Variants in TARDBP observed in about 807,000 individuals in gnomAD.
TARDBP encodes TAR DNA binding protein.
In TARDBP, 4 loss-of-function variants were observed where a neutral mutation model predicts 38.3. The ratio of observed to expected loss-of-function variants is 0.10; its 90% CI spans 0.05 to 0.24. TARDBP has a LOEUF of 0.24. TARDBP is among the 10% of genes least tolerant of loss of function. The pLI is 1.00. For synonymous variants in TARDBP, 184 were observed against 183.8 expected, an observed-to-expected ratio of 1.00 and a Z score of -0.01; for missense variants, 202 against 521.9, an observed-to-expected ratio of 0.39 and a Z score of 5.97.
chr1:11,017,083 G>A (rs1643538168), intron 3 of TARDBP, 76 bp downstream of exon 3: 2 of 1,483,088 alleles, frequency 1.3e-6, no homozygotes, highest in African/African-American at 1.4e-5. Context: ...GGTATAAATA[G>A]AGATGGGGTA....
In TARDBP at chr1:11,023,393, A is replaced by G. The variant is rs1293238619; in HGVS notation, c.*739A>G. ...GGAGTCGTATCAACGCTATGAACGC[A>G]AGGCTGTGATATGGAACCAGAAGGC... On this transcript the variant is annotated 3_prime_UTR_variant, in exon 6 of 6. Coordinates refer to ENST00000240185, the MANE Select transcript of TARDBP (RefSeq NM_007375.4). 1 of 898,860 alleles carries G rather than the reference A, an allele frequency of 1.1e-6. No individual in the cohort carries two copies. Among genetic ancestry groups the G allele is most frequent in the Non-Finnish European group, 1.7e-6 (1 of 585,468 alleles). 55.7% of individuals were successfully genotyped at this position (898,860 alleles called of 1,614,324 possible). A position where few individuals can be genotyped will look rare whatever the true frequency, so the allele number is the denominator to read the frequency against.
At chr1:11,020,305 C>A in intron 4 of TARDBP, 124 bp from the exon 5 acceptor site, 1 of 1,116,262 alleles carries the variant, frequency 9.0e-7, no homozygotes, top group Non-Finnish European at 1.3e-6. Context: ...ATTAAGGGTA[C>A]GTCTACTTTT....
Position 11,013,622 on chromosome 1 carries a change from A to G in TARDBP, c.-12-94A>G. The G allele has an allele frequency of 2.8e-6, 3 of 1,069,904 alleles. No homozygotes were observed. The South Asian group carries it at 4.1e-5, about 15-fold the overall frequency. 66.3% of individuals were successfully genotyped at this position (1,069,904 alleles called of 1,614,324 possible). ...CGAATCCAGACAAGCATTTTTCTGG[A>G]AGTCAGAACTCTGACATGGTTTGGG... On this transcript the variant is annotated intron_variant, in intron 1 of 5. Transcript: ENST00000240185.
chr1:11,017,202 CTTTT>C (rs61443822), intron 3 of TARDBP, among the ~76,000 whole-genome samples, 195 bp downstream of exon 3: 2 of 105,884 alleles, frequency 1.9e-5, no homozygotes, highest in African/African-American at 3.7e-5. Flanking sequence ...TGTTACCTTT[CTTTT>C]TTTTTTTTTT....
chr1:11,030,470 A>G (rs557818484), downstream of TARDBP: 27 of 582,052 alleles, frequency 4.6e-5, no homozygotes, highest in East Asian at 5.2e-4. Context: ...ATATGTATCA[A>G]GATCTCAAGT....
rs1643674248 is a variant in TARDBP at position 11,023,173 on chromosome 1, C to T, written c.*519C>T. The T allele has an allele frequency of 6.5e-7, 1 of 1,549,614 alleles. No homozygotes were observed. Among genetic ancestry groups the T allele is most frequent in the Non-Finnish European group, 8.7e-7 (1 of 1,146,452 alleles). Reference sequence around the variant, plus strand: ...TCATACACAAAAGTACAATATGAAGCCTTCATTTAATCTCTGCAGTTCATC... The same window carrying T: ...TCATACACAAAAGTACAATATGAAGTCTTCATTTAATCTCTGCAGTTCATC... On this transcript the variant is annotated 3_prime_UTR_variant, in exon 6 of 6. Coordinates refer to ENST00000240185, the MANE Select transcript of TARDBP (RefSeq NM_007375.4).
Position 11,023,347 on chromosome 1 carries a change from A to G in TARDBP, c.*693A>G. The G allele has an allele frequency of 8.0e-7, 1 of 1,248,762 alleles. No homozygotes were observed. Among genetic ancestry groups the G allele is most frequent in the Non-Finnish European group, 1.1e-6 (1 of 876,630 alleles). The allele number at this position is 1,248,762 out of a possible 1,614,324, so 77.4% of individuals were successfully genotyped here. On this transcript the variant is annotated 3_prime_UTR_variant, in exon 6 of 6. Coordinates refer to ENST00000240185, the MANE Select transcript of TARDBP (RefSeq NM_007375.4). ...CTTTGACGGTGGGTGTCCCATTTTT[A>G]TCCGCTACTCTTTATTTCATGGAGT...
exon 3 of TARDBP, chr1:11,030,493 G>A (rs1344675329): frequency 5.2e-6 from 3 of 574,764 alleles, no homozygotes; most frequent in Non-Finnish European, 9.2e-6. Context: ...TTAATGATAA[G>A]GTGTTGACTT....
At chr1:11,027,443 G>C, downstream of TARDBP, 1 of 1,613,994 alleles carries the variant, frequency 6.2e-7, no homozygotes, top group Non-Finnish European at 8.5e-7. Context: ...GTCTTTTCAG[G>C]GTGCCCATTC....
Position 11,013,763 on chromosome 1 carries a change from C to G in TARDBP, c.36C>G (p.Asn12Lys). Residue 12 changes from asparagine to lysine, a missense_variant, in exon 2 of 6, where the codon AAC becomes AAG. Transcript: ENST00000240185. ...ATATTCGGGTAACCGAAGATGAGAA[C>G]GATGAGCCCATTGAAATACCATCGG... ...SEYIRVTEDE[N>K]DEPIEIPSED... The G allele has an allele frequency of 6.2e-7, 1 of 1,612,624 alleles. No individual in the cohort carries two copies. The highest frequency in any genetic ancestry group is 8.5e-7 in the Non-Finnish European group (1 of 1,179,180).
At chr1:11,017,071 T>C (rs1643537673) in intron 3 of TARDBP, 64 bp downstream of exon 3, 1 of 1,557,628 alleles carries the variant, frequency 6.4e-7, no homozygotes, top group Non-Finnish European at 8.8e-7. Flanking sequence ...CATTTATTTA[T>C]TGGTATAAAT....
At chr1:11,015,359 G>T (rs185007760) in intron 2 of TARDBP, among the ~76,000 whole-genome samples, 1 of 151,862 alleles carries the variant, frequency 6.6e-6, no homozygotes, top group African/African-American at 2.4e-5. Context: ...GGTGGTTCGC[G>T]CCTGTAGTCT....
chr1:11,012,715 T>G lies in TARDBP; in HGVS notation c.-41T>G, dbSNP rs1032991464. The G allele has an allele frequency of 6.6e-6, 1 of 152,302 alleles. No individual in the cohort carries two copies. Among genetic ancestry groups the G allele is most frequent in the African/African-American group, 2.4e-5 (1 of 41,476 alleles). The allele number at this position is 152,302 out of a possible 1,614,324, so 9.4% of individuals were successfully genotyped here. ...GGGTCCGTCGCTGCTTCGGTGTCCC[T>G]GTCGGGCTTCCCAGCAGCGGCCTAG... is the stretch of plus-strand genomic sequence containing the variant. On this transcript the variant is annotated 5_prime_UTR_variant, in exon 1 of 6. Transcript: ENST00000240185.
chr1:11,027,798 G>T, downstream of TARDBP: 1 of 733,302 alleles, frequency 1.4e-6, no homozygotes, highest in Non-Finnish European at 2.2e-6. Flanking sequence ...GGCAAGTGAG[G>T]CTATTTTAAA....
chr1:11,030,128 T>G, downstream of TARDBP: 1 of 1,387,694 alleles, frequency 7.2e-7, no homozygotes, highest in Non-Finnish European at 1.0e-6. Context: ...TCCTACCCAG[T>G]CCTCCTTTCC....
chr1:11,025,530 C>A (rs1643717898), downstream of TARDBP: 1 of 151,978 alleles, frequency 6.6e-6, no homozygotes, highest in African/African-American at 2.4e-5. Context: ...AACACGATTT[C>A]TTTTTATATG....
At chr1:11,030,043 G>T, downstream of TARDBP, 1 of 624,996 alleles carries the variant, frequency 1.6e-6, no homozygotes. Context: ...ATACTATTTG[G>T]AAATAATAAC....
At chr1:11,015,236 A>G (rs1445879570) in intron 2 of TARDBP, among the ~76,000 whole-genome samples, 1 of 152,104 alleles carries the variant, frequency 6.6e-6, no homozygotes, top group African/African-American at 2.4e-5. Context: ...CTGTAATCCC[A>G]GCACTTTGGG....
Position 11,022,536 on chromosome 1 carries a change from G to C in TARDBP, c.1127G>C (p.Gly376Ala), listed in dbSNP as rs753730998. Residue 376 changes from glycine (G) to alanine (A), a missense_variant, in exon 6 of 6, where the codon GGC (glycine) becomes GCC (alanine). Coordinates refer to ENST00000240185, the MANE Select transcript of TARDBP (RefSeq NM_007375.4). This position sits in a 1 kb window ranked among gnomAD's most constrained non-coding sequence, Gnocchi z 4.5. ...AFGSGNNSYS[G>A]SNSGAAIGWG... ...GGTTCTGGAAATAACTCTTATAGTG[G>C]CTCTAATTCTGGTGCAGCAATTGGT... The C allele has an allele frequency of 2.5e-6, 4 of 1,585,138 alleles. No homozygotes were observed. In the South Asian group the frequency reaches 4.6e-5, roughly 18 times the overall value.
Sources: allele counts gnomAD v4.1 joint callset (sites outside exome capture counted in the v4.1 genomes callset), GRCh38; gene constraint gnomAD v4.1.1; non-coding constraint Gnocchi (gnomAD v3.1); transcripts MANE v1.5; gene names NCBI Gene and HGNC (gene_info 2026-07-23, HGNC 2026-07-21).